The following RHOBTB2 variants were observed in gnomAD, a reference collection of about 807,000 sequenced individuals.
RHOBTB2 encodes the protein Rho related BTB domain containing 2.
A neutral mutation model predicts 66.5 loss-of-function variants in RHOBTB2; 39 were observed. That is an observed-to-expected ratio of 0.59 (90% CI 0.45 to 0.77). RHOBTB2 has a LOEUF of 0.77. Among genes scored for constraint, RHOBTB2 ranks in the 30% least tolerant of loss-of-function variants. The pLI is 0.00. For synonymous variants in RHOBTB2, 390 were observed against 395.0 expected (o/e 0.99, Z 0.15); for missense variants, 755 against 999.1 (o/e 0.76, Z 3.29).
the RHOBTB2 span, among the ~76,000 whole-genome samples, chr8:22,955,564 CTTTTTTT>C: frequency 9.6e-6 from 1 of 103,970 alleles, no homozygotes. Context: ...TTCAATAAAT[CTTTTTTT>C]TTTTTTTTTT....
chr8:22,953,515 G>C, the RHOBTB2 span, among the ~76,000 whole-genome samples: 4 of 152,190 alleles, frequency 2.6e-5, no homozygotes, highest in Admixed American at 2.6e-4. Context: ...TTCTGCAAGC[G>C]ATGAGTGACT....
At chr8:22,985,947 C>A (rs933401102), upstream of RHOBTB2, among the ~76,000 whole-genome samples, 1 of 152,206 alleles carries the variant, frequency 6.6e-6, no homozygotes, top group African/African-American at 2.4e-5. Flanking sequence ...AACAGAGGTG[C>A]TAGCAGGCGC....
chr8:23,005,523 T>G (rs768980019), intron 3 of RHOBTB2, 48 bp downstream of exon 3: 4 of 1,198,566 alleles, frequency 3.3e-6, no homozygotes, highest in Non-Finnish European at 1.2e-6. Context: ...GGGTGGGTTT[T>G]TCCCTGCTTT....
At chr8:23,002,419 T>C (rs924571038) in intron 1 of RHOBTB2, among the ~76,000 whole-genome samples, 1 of 152,274 alleles carries the variant, frequency 6.6e-6, no homozygotes, top group African/African-American at 2.4e-5. Flanking sequence ...GGGCCAGGTG[T>C]GGTGGCTCAC....
chr8:22,971,784 C>T, the RHOBTB2 span, among the ~76,000 whole-genome samples: 1 of 152,174 alleles, frequency 6.6e-6, no homozygotes, highest in Non-Finnish European at 1.5e-5. Flanking sequence ...GTTTTGCCCA[C>T]TGGATTCATC....
chr8:22,988,716 C>T (rs1039872994), intron 1 of RHOBTB2, among the ~76,000 whole-genome samples: 5 of 152,192 alleles, frequency 3.3e-5, no homozygotes, highest in Non-Finnish European at 5.9e-5. Flanking sequence ...CCAACCACTC[C>T]CCCACCCACA....
chr8:22,965,952 T>A, the RHOBTB2 span, among the ~76,000 whole-genome samples: 2 of 152,110 alleles, frequency 1.3e-5, no homozygotes, highest in African/African-American at 2.4e-5. Flanking sequence ...CTTCTGCACA[T>A]CAAAGAACAC....
At chr8:23,016,314 C>T (rs1347299163) in intron 9 of RHOBTB2, among the ~76,000 whole-genome samples, 2 of 152,164 alleles carry the variant, frequency 1.3e-5, no homozygotes, top group Admixed American at 6.5e-5. Flanking sequence ...TCCAGTCTGC[C>T]GTGACCCTCC....
the RHOBTB2 span, among the ~76,000 whole-genome samples, chr8:22,960,353 C>T: frequency 1.4e-5 from 2 of 146,238 alleles, no homozygotes; most frequent in Non-Finnish European, 3.0e-5. Flanking sequence ...GAGTCTTGCT[C>T]TGTTGCCCAG....
At chr8:22,979,381 T>C in the RHOBTB2 span, among the ~76,000 whole-genome samples, 1 of 152,296 alleles carries the variant, frequency 6.6e-6, no homozygotes, top group East Asian at 1.9e-4. Context: ...AATTTTACCA[T>C]CCGGAGATAA....
chr8:23,014,070 C>T (rs1811220327), intron 7 of RHOBTB2, among the ~76,000 whole-genome samples: 1 of 152,146 alleles, frequency 6.6e-6, no homozygotes, highest in Admixed American at 6.5e-5. Flanking sequence ...TAGGAATGCT[C>T]ATTGTACTGG....
At chr8:23,013,065 C>T (rs1811192474) in intron 7 of RHOBTB2, among the ~76,000 whole-genome samples, 1 of 152,082 alleles carries the variant, frequency 6.6e-6, no homozygotes, top group Admixed American at 6.5e-5. Context: ...TCCCAAAGTG[C>T]TGGGATTACA....
At chr8:22,982,923 C>A (rs556690819), upstream of RHOBTB2, among the ~76,000 whole-genome samples, 12 of 152,240 alleles carry the variant, frequency 7.9e-5, no homozygotes, top group Non-Finnish European at 1.8e-4. Flanking sequence ...AAGGGCCGAA[C>A]AAGCTTCCTC....
chr8:22,999,617 C>G lies in RHOBTB2; in HGVS notation c.-499C>G, dbSNP rs879172296. 1.6e-5 allele frequency: 20 copies of G among 1,221,372 alleles called. No homozygotes were observed. The highest frequency in any genetic ancestry group is 3.5e-4 in the Middle Eastern group (1 of 2,896). The allele number at this position is 1,221,372 out of a possible 1,614,324, so 75.7% of individuals were successfully genotyped here. A position where few individuals can be genotyped will look rare whatever the true frequency, so the allele number is the denominator to read the frequency against. ...CCTTTTTTTACCCTCCCGTTTTTTTCTTTTCTTTTTTTTTTCCCTATCCTT... is the reference window on the plus strand; with the variant it reads ...CCTTTTTTTACCCTCCCGTTTTTTTGTTTTCTTTTTTTTTTCCCTATCCTT... On this transcript the variant is annotated 5_prime_UTR_variant, in exon 1 of 10. Coordinates refer to ENST00000251822, the MANE Select transcript of RHOBTB2 (RefSeq NM_015178.3).
intron 1 of RHOBTB2, among the ~76,000 whole-genome samples, chr8:23,002,784 G>A (rs1427010114): frequency 1.3e-5 from 2 of 152,218 alleles, no homozygotes; most frequent in Admixed American, 1.3e-4. Context: ...TGAGGGCACT[G>A]CATGGAGACC....
intron 2 of RHOBTB2, chr8:22,994,523 C>T (rs1321544606): frequency 5.3e-6 from 7 of 1,313,768 alleles, no homozygotes; most frequent in Non-Finnish European, 6.4e-6. Flanking sequence ...CTCTGTCTCC[C>T]CTGCCCCGCC....
chr8:23,015,405 G>C (rs1275263847), intron 8 of RHOBTB2, among the ~76,000 whole-genome samples: 1 of 152,178 alleles, frequency 6.6e-6, no homozygotes, highest in Non-Finnish European at 1.5e-5. Flanking sequence ...GATGCCAGGA[G>C]TGGGCAGAAC....
rs1325415434 is a variant in RHOBTB2, at chr8:23,004,995, G to A, written c.192+369G>A. ...TGGCAGCTGATAGCAAAAGACCAGA[G>A]GCTCACAAACATGCAGTTTGCAAGG... On this transcript the variant is annotated intron_variant, in intron 2 of 9. Transcript: ENST00000251822. This position sits in a 1 kb window ranked among gnomAD's most constrained non-coding sequence, Gnocchi z 6.4. 6.6e-6 allele frequency among the ~76,000 whole-genome samples: 1 copy of A among 152,132 alleles called. No homozygotes were observed. The highest frequency in any genetic ancestry group is 2.4e-5 in the African/African-American group (1 of 41,418).
chr8:22,995,887 G>A, upstream of RHOBTB2: 2 of 1,551,606 alleles, frequency 1.3e-6, no homozygotes, highest in Non-Finnish European at 1.7e-6. Flanking sequence ...AGCGCGGTTA[G>A]TAGCCTGCAA....
Sources: gnomAD v4.1 joint callset for allele counts (sites outside exome capture counted in the v4.1 genomes callset) on GRCh38, gnomAD v4.1.1 for gene constraint, Gnocchi (gnomAD v3.1) non-coding constraint, MANE v1.5 for transcripts, NCBI Gene and HGNC (gene_info 2026-07-23, HGNC 2026-07-21) for gene names.